NKAIN2: variants seen among roughly 807,000 people sequenced by gnomAD.
The protein encoded by NKAIN2 is sodium/potassium-transporting ATPase subunit beta-1-interacting protein 2.
In NKAIN2, 14 loss-of-function variants were observed where a neutral mutation model predicts 32.6. The ratio of observed to expected loss-of-function variants is 0.43; its 90% CI spans 0.28 to 0.67. NKAIN2 has a LOEUF of 0.67. Ranked by LOEUF, NKAIN2 falls within the 30% of genes least tolerant of loss-of-function variation. The pLI is 0.17. For synonymous variants in NKAIN2, 80 were observed against 87.2 expected (o/e 0.92, Z 0.46); for missense variants, 198 against 258.3 (o/e 0.77, Z 1.60).
chr6:124,050,879 T>G (rs1013217117), intron 1 of NKAIN2, among the ~76,000 whole-genome samples: 8 of 152,036 alleles, frequency 5.3e-5, no homozygotes, highest in African/African-American at 1.9e-4. Context: ...ATTGAATCAA[T>G]GAGTGATTTG....
At chr6:124,320,119 AG>A (rs1334222716) in intron 2 of NKAIN2, among the ~76,000 whole-genome samples, 1 of 152,158 alleles carries the variant, frequency 6.6e-6, no homozygotes, top group Non-Finnish European at 1.5e-5. Context: ...AATATGTGGA[AG>A]GCTACTGCTC....
rs116019230 is a variant in NKAIN2, at chr6:124,114,362, A to T, written c.55-168643A>T. On this transcript the variant is annotated intron_variant, in intron 1 of 6. Coordinates refer to ENST00000368417, the MANE Select transcript of NKAIN2 (RefSeq NM_001040214.3). ...TTAAAAAGTAGTATTGTCCATTAAC[A>T]GAAATGGGGATGACTGAAATATATG... 5.9e-3 allele frequency among the ~76,000 whole-genome samples: 894 copies of T among 152,286 alleles called. 7 individuals carry two copies. Among genetic ancestry groups the T allele is most frequent in the African/African-American group, 0.021 (866 of 41,570 alleles).
chr6:123,950,578 G>A (rs530048769), intron 1 of NKAIN2, among the ~76,000 whole-genome samples: 2 of 144,096 alleles, frequency 1.4e-5, no homozygotes, highest in South Asian at 4.7e-4. Context: ...TTTCTAGTTT[G>A]TCACTGTGTA....
At chr6:124,637,396 T>A (rs1783813540) in intron 3 of NKAIN2, among the ~76,000 whole-genome samples, 1 of 151,850 alleles carries the variant, frequency 6.6e-6, no homozygotes, top group Non-Finnish European at 1.5e-5. Context: ...AGCAATTAGA[T>A]AAGAGAAAGA....
chr6:124,547,440 A>C (rs1477286104), intron 3 of NKAIN2, among the ~76,000 whole-genome samples: 1 of 152,240 alleles, frequency 6.6e-6, no homozygotes, highest in African/African-American at 2.4e-5. Context: ...AACATTTTAA[A>C]TATGTAATAA....
chr6:124,061,940 G>A (rs1782934437), intron 1 of NKAIN2, among the ~76,000 whole-genome samples: 1 of 152,092 alleles, frequency 6.6e-6, no homozygotes, highest in African/African-American at 2.4e-5. Flanking sequence ...ATAAGAGAAT[G>A]GAGAAAATAA....
At position 124,293,804 on chromosome 6, in the gene NKAIN2, G is replaced by T. The variant is rs140996001; in HGVS notation, c.192+10662G>T. 5.3e-5 allele frequency among the ~76,000 whole-genome samples: 8 copies of T among 152,088 alleles called. No homozygotes were observed. The East Asian group carries it at 1.4e-3, about 26-fold the overall frequency. On this transcript the variant is annotated intron_variant, in intron 2 of 6. Coordinates refer to ENST00000368417, the MANE Select transcript of NKAIN2 (RefSeq NM_001040214.3). ...TTTCATGTATTAATATCTCGTAAGA[G>T]AAAAGTGACGACAGATAATATCAAA...
At chr6:124,297,235 T>C (rs1368896361) in intron 2 of NKAIN2, among the ~76,000 whole-genome samples, 3 of 152,168 alleles carry the variant, frequency 2.0e-5, no homozygotes, top group African/African-American at 4.8e-5. Context: ...CTACTAATAG[T>C]CTATTATTTA....
intron 1 of NKAIN2, among the ~76,000 whole-genome samples, chr6:124,130,579 T>G (rs1032414022): frequency 6.6e-6 from 1 of 151,282 alleles, no homozygotes. Flanking sequence ...CTATATCATA[T>G]AGGTATGGTA....
intron 1 of NKAIN2, among the ~76,000 whole-genome samples, chr6:124,030,890 A>G (rs1781373511): frequency 6.6e-6 from 1 of 152,154 alleles, no homozygotes; most frequent in African/African-American, 2.4e-5. Context: ...TTAACCACTC[A>G]TTTATTCTTG....
chr6:123,974,868 G>A (rs573122839), intron 1 of NKAIN2, among the ~76,000 whole-genome samples: 1 of 152,136 alleles, frequency 6.6e-6, no homozygotes, highest in Admixed American at 6.5e-5. Flanking sequence ...ATTTTGTCTT[G>A]CTCCACAGAG....
chr6:124,323,819 G>A (rs558892039), intron 2 of NKAIN2, among the ~76,000 whole-genome samples: 7 of 123,794 alleles, frequency 5.7e-5, no homozygotes, highest in East Asian at 2.5e-4. Flanking sequence ...ACGGAGTCTC[G>A]CTCTGTCACC....
intron 1 of NKAIN2, among the ~76,000 whole-genome samples, chr6:124,207,600 A>T (rs1469931393): frequency 1.3e-5 from 2 of 151,656 alleles, no homozygotes. Context: ...CCTGCCATGT[A>T]CTAAGCTTGG....
At chr6:124,359,487 C>T (rs1799164124) in intron 3 of NKAIN2, among the ~76,000 whole-genome samples, 3 of 152,192 alleles carry the variant, frequency 2.0e-5, no homozygotes, top group African/African-American at 7.2e-5. Flanking sequence ...AGGTCCTTCA[C>T]ATCCCTTGTA....
chr6:123,932,157 C>T (rs1323493588), intron 1 of NKAIN2, among the ~76,000 whole-genome samples: 2 of 152,110 alleles, frequency 1.3e-5, no homozygotes, highest in African/African-American at 2.4e-5. Flanking sequence ...CTGCTCTTTT[C>T]CCCCGGCTTC....
At chr6:124,664,619 C>A (rs1448933450) in intron 4 of NKAIN2, among the ~76,000 whole-genome samples, 1 of 149,560 alleles carries the variant, frequency 6.7e-6, no homozygotes. Context: ...ACGGTGAAAC[C>A]CCGTCTCTAC....
Position 123,934,246 on chromosome 6 carries a change from T to C in NKAIN2, c.54+129992T>C, listed in dbSNP as rs1582804331. On this transcript the variant is annotated intron_variant, in intron 1 of 6. Transcript: ENST00000368417. Reference sequence around the variant, plus strand: ...TTACTGTCTACTTTGAGCCCTTGCCTATGACTCCATAGAATTATTTGATGT... The same window carrying C: ...TTACTGTCTACTTTGAGCCCTTGCCCATGACTCCATAGAATTATTTGATGT... Among the ~76,000 whole-genome samples the C allele has an allele frequency of 3.3e-5, 5 of 152,338 alleles. No individual in the cohort carries two copies. In the East Asian group the frequency reaches 7.7e-4, roughly 24 times the overall value.
intron 4 of NKAIN2, among the ~76,000 whole-genome samples, chr6:124,719,847 T>C (rs1775932117): frequency 6.6e-6 from 1 of 152,112 alleles, no homozygotes; most frequent in Non-Finnish European, 1.5e-5. Flanking sequence ...CTTTAAAAAA[T>C]TAAGCCAATT....
At chr6:124,120,818 A>C (rs1400113916) in intron 1 of NKAIN2, among the ~76,000 whole-genome samples, 2 of 152,150 alleles carry the variant, frequency 1.3e-5, no homozygotes, top group African/African-American at 4.8e-5. Context: ...TTGCTGGAAC[A>C]TATGGCTGGC....
Sources: gnomAD v4.1 joint callset for allele counts (sites outside exome capture counted in the v4.1 genomes callset) on GRCh38, gnomAD v4.1.1 for gene constraint, MANE v1.5 for transcripts, NCBI Gene and HGNC (gene_info 2026-07-23, HGNC 2026-07-21) for gene names.